CAPZA2: variants seen among roughly 807,000 people sequenced by gnomAD.
The protein encoded by CAPZA2 is capping actin protein of muscle Z-line subunit alpha 2, also known as F-actin-capping protein subunit alpha-2.
CAPZA2 carries 13 observed loss-of-function variants against 44.0 expected under a neutral mutation model. That is an observed-to-expected ratio of 0.30 (90% CI 0.19 to 0.47). The LOEUF is 0.47. Ranked by LOEUF, CAPZA2 falls within the 20% of genes least tolerant of loss-of-function variation. The pLI is 1.00. For synonymous variants in CAPZA2, 94 were observed against 108.2 expected (o/e 0.87, Z 0.81); for missense variants, 244 against 338.6 (o/e 0.72, Z 2.19).
chr7:116,905,195 A>G (rs193226202), intron 5 of CAPZA2, among the ~76,000 whole-genome samples: 5 of 152,000 alleles, frequency 3.3e-5, no homozygotes, highest in African/African-American at 9.6e-5. Context: ...GTAGGAATAC[A>G]TTTCTTTTTT....
intron 9 of CAPZA2, among the ~76,000 whole-genome samples, chr7:116,916,500 G>C (rs1288758178): frequency 3.3e-5 from 5 of 152,186 alleles, no homozygotes; most frequent in African/African-American, 1.2e-4. Context: ...GCATGTGCCT[G>C]TAGTGACGAG....
At chr7:116,881,489 C>T (rs971270026) in intron 1 of CAPZA2, among the ~76,000 whole-genome samples, 1 of 152,086 alleles carries the variant, frequency 6.6e-6, no homozygotes, top group Non-Finnish European at 1.5e-5. Context: ...CCTGTAATCC[C>T]AGCACTTCGG....
intron 1 of CAPZA2, among the ~76,000 whole-genome samples, chr7:116,883,163 C>T (rs952560166): frequency 6.6e-6 from 1 of 152,048 alleles, no homozygotes; most frequent in African/African-American, 2.4e-5. Flanking sequence ...TAATTCCCAA[C>T]GGTAAATAGA....
At chr7:116,910,406 T>G in intron 7 of CAPZA2, 95 bp downstream of exon 7, 1 of 656,078 alleles carries the variant, frequency 1.5e-6, no homozygotes, top group Non-Finnish European at 2.7e-6. Context: ...ATCATACACA[T>G]TTCTTTTTCA....
intron 1 of CAPZA2, among the ~76,000 whole-genome samples, chr7:116,879,756 C>G (rs1247780868): frequency 6.6e-6 from 1 of 152,060 alleles, no homozygotes. Context: ...GGTTTGGGGA[C>G]CCCTGATCTA....
chr7:116,881,512 G>A (rs561261776), intron 1 of CAPZA2, among the ~76,000 whole-genome samples: 94 of 152,122 alleles, frequency 6.2e-4, no homozygotes, highest in African/African-American at 2.2e-3. Flanking sequence ...GGCCAAGGTG[G>A]GCGGATCACG....
At chr7:116,890,623 A>G (rs1169933058) in intron 2 of CAPZA2, among the ~76,000 whole-genome samples, 3 of 126,086 alleles carry the variant, frequency 2.4e-5, no homozygotes, top group Non-Finnish European at 4.8e-5. Flanking sequence ...CATATATACA[A>G]AAATTAGCAG....
At chr7:116,915,917 T>C (rs1791673119) in intron 8 of CAPZA2, 143 bp from the exon 9 acceptor site, 2 of 558,424 alleles carry the variant, frequency 3.6e-6, no homozygotes, top group South Asian at 3.0e-5. Context: ...AGACTTAGAA[T>C]AATTGATCTT....
At chr7:116,915,955 C>T in intron 8 of CAPZA2, 105 bp from the exon 9 acceptor site, 10 of 753,212 alleles carry the variant, frequency 1.3e-5, no homozygotes, top group Admixed American at 3.9e-5. Context: ...TCATAATTTC[C>T]TTCTGTGTTA....
intron 6 of CAPZA2, among the ~76,000 whole-genome samples, chr7:116,907,364 A>G (rs957893401): frequency 4.6e-5 from 7 of 152,200 alleles, no homozygotes; most frequent in African/African-American, 1.7e-4. Context: ...TGGACTTAAT[A>G]TAAGTGTAGT....
intron 1 of CAPZA2, among the ~76,000 whole-genome samples, chr7:116,885,487 A>T (rs1796751364): frequency 6.6e-6 from 1 of 152,046 alleles, no homozygotes. Context: ...CTCCAATACC[A>T]TCTACCTGGA....
At chr7:116,910,132 C>T in intron 6 of CAPZA2, 101 bp from the exon 7 acceptor site, 1 of 734,618 alleles carries the variant, frequency 1.4e-6, no homozygotes, top group Non-Finnish European at 2.5e-6. Flanking sequence ...TATTCATCCC[C>T]CACACTCTCT....
At chr7:116,885,353 A>G (rs1796750113) in intron 1 of CAPZA2, among the ~76,000 whole-genome samples, 1 of 151,258 alleles carries the variant, frequency 6.6e-6, no homozygotes, top group Non-Finnish European at 1.5e-5. Flanking sequence ...TCTCCCACTC[A>G]GCACAACAAT....
At chr7:116,907,520 A>G (rs1791533835) in intron 6 of CAPZA2, among the ~76,000 whole-genome samples, 1 of 152,184 alleles carries the variant, frequency 6.6e-6, no homozygotes, top group African/African-American at 2.4e-5. Flanking sequence ...TTAGAAGAAA[A>G]TTCTTTTTAC....
At chr7:116,865,735 A>G (rs969905159) in intron 1 of CAPZA2, among the ~76,000 whole-genome samples, 1 of 152,022 alleles carries the variant, frequency 6.6e-6, no homozygotes, top group Non-Finnish European at 1.5e-5. Flanking sequence ...GTGTGCCAGG[A>G]CACCCAGCAA....
chr7:116,914,756 C>T (rs1791657130), intron 8 of CAPZA2, among the ~76,000 whole-genome samples: 1 of 152,168 alleles, frequency 6.6e-6, no homozygotes, highest in Non-Finnish European at 1.5e-5. Context: ...CACACCCAGC[C>T]CCTGAAGCTA....
intron 1 of CAPZA2, among the ~76,000 whole-genome samples, chr7:116,870,829 C>T (rs1019480970): frequency 3.3e-5 from 5 of 152,090 alleles, no homozygotes; most frequent in Non-Finnish European, 4.4e-5. Context: ...AGGGGAAAGG[C>T]GTGAGTCAGA....
intron 1 of CAPZA2, among the ~76,000 whole-genome samples, chr7:116,869,976 T>A (rs938662429): frequency 6.6e-6 from 1 of 152,156 alleles, no homozygotes; most frequent in African/African-American, 2.4e-5. Context: ...TTCAGGCAAT[T>A]CTCCTGCCTC....
In CAPZA2 at chr7:116,920,476, T is replaced by C. The variant is rs1367738854; in HGVS notation, c.*2609T>C. Reference sequence around the variant, plus strand: ...TGGACTGAGGTGGTTGCTGTAGAGGTGGTATAAAGCAGTGAGGTCTAGGTA... The same window carrying C: ...TGGACTGAGGTGGTTGCTGTAGAGGCGGTATAAAGCAGTGAGGTCTAGGTA... On this transcript the variant is annotated 3_prime_UTR_variant, in exon 10 of 10. Coordinates refer to ENST00000361183, the MANE Select transcript of CAPZA2 (RefSeq NM_006136.3). 1.3e-5 allele frequency: 2 copies of C among 151,748 alleles called. No individual in the cohort carries two copies. Among genetic ancestry groups the C allele is most frequent in the Non-Finnish European group, 1.5e-5 (1 of 68,020 alleles). 9.4% of individuals were successfully genotyped at this position (151,748 alleles called of 1,614,324 possible).
Sources: allele counts gnomAD v4.1 joint callset (sites outside exome capture counted in the v4.1 genomes callset), GRCh38; gene constraint gnomAD v4.1.1; transcripts MANE v1.5; gene names NCBI Gene and HGNC (gene_info 2026-07-23, HGNC 2026-07-21).